The following AFF1 variants were observed in gnomAD, a reference collection of about 807,000 sequenced individuals.
The protein encoded by AFF1 is ALF transcription elongation factor 1.
Under a neutral mutation model 121.7 loss-of-function variants are expected in AFF1, and 48 were observed. The ratio of observed to expected loss-of-function variants is 0.39; its 90% confidence interval spans 0.31 to 0.50. The LOEUF is 0.50. Ranked by LOEUF, AFF1 falls within the 20% of genes least tolerant of loss-of-function variation. The pLI is 0.76. For synonymous variants in AFF1, 613 were observed against 563.0 expected (o/e 1.09, Z -1.26); for missense variants, 1,523 against 1,511.7 (o/e 1.01, Z -0.12).
At chr4:87,090,197 A>AT in intron 6 of AFF1, 127 bp downstream of exon 6, 1 of 709,926 alleles carries the variant, frequency 1.4e-6, no homozygotes, top group Non-Finnish European at 2.3e-6. Flanking sequence ...ATTATGATTA[A>AT]TTTAGCTTCT....
Position 87,006,227 on chromosome 4 carries a change from TA to T in AFF1, c.39-39937del, listed in dbSNP as rs538253348. Among the ~76,000 whole-genome samples the T allele has an allele frequency of 2.6e-3, 392 of 152,348 alleles. 5 individuals are homozygous for T. Among genetic ancestry groups the T allele is most frequent in the African/African-American group, 8.2e-3 (342 of 41,582 alleles). On this transcript the variant is annotated intron_variant, in intron 2 of 20. Transcript: ENST00000395146. Reference sequence around the variant, plus strand: ...TGCAGGCAGTTATTCAGTATTCATCTAAGAGTCTTCAGCTCCTCCGGTGTGC... The same window carrying T: ...TGCAGGCAGTTATTCAGTATTCATCTAGAGTCTTCAGCTCCTCCGGTGTGC...
At chr4:87,050,947 C>T (rs772710465) in intron 4 of AFF1, among the ~76,000 whole-genome samples, 3 of 152,078 alleles carry the variant, frequency 2.0e-5, no homozygotes, top group African/African-American at 7.2e-5. Flanking sequence ...ACATGGACCC[C>T]GAGGCTGGGG....
chr4:86,956,918 G>A (rs907800112), intron 2 of AFF1, among the ~76,000 whole-genome samples: 2 of 152,272 alleles, frequency 1.3e-5, no homozygotes, highest in African/African-American at 4.8e-5. Context: ...GGAATTGCTT[G>A]CCTCTAAGGT....
At chr4:87,127,926 AG>A (rs1407523380) in intron 16 of AFF1, among the ~76,000 whole-genome samples, 3 of 152,120 alleles carry the variant, frequency 2.0e-5, no homozygotes, top group African/African-American at 7.2e-5. Flanking sequence ...GGTGGTTCTT[AG>A]TGGTGGTATT....
intron 4 of AFF1, among the ~76,000 whole-genome samples, chr4:87,079,219 A>G (rs1271916404): frequency 6.6e-6 from 1 of 152,206 alleles, no homozygotes; most frequent in Non-Finnish European, 1.5e-5. Flanking sequence ...TTGAAACTTG[A>G]GAGACTTAAA....
intron 1 of AFF1, among the ~76,000 whole-genome samples, chr4:86,942,527 T>C (rs1394585164): frequency 6.6e-6 from 1 of 152,242 alleles, no homozygotes; most frequent in African/African-American, 2.4e-5. Flanking sequence ...TTGTTGTCAC[T>C]AAAAGAACTT....
chr4:87,024,654 G>A (rs1162548206), intron 2 of AFF1, among the ~76,000 whole-genome samples: 5 of 152,024 alleles, frequency 3.3e-5, no homozygotes, highest in Admixed American at 6.6e-5. Flanking sequence ...GTACAGTGGC[G>A]CTATCTGTTC....
chr4:87,093,445 C>T (rs1724519913), intron 7 of AFF1, among the ~76,000 whole-genome samples: 1 of 152,162 alleles, frequency 6.6e-6, no homozygotes, highest in South Asian at 2.1e-4. Flanking sequence ...CCCAGCAAGT[C>T]AACTCTGATT....
At chr4:87,057,968 C>T (rs1439313392) in intron 4 of AFF1, among the ~76,000 whole-genome samples, 1 of 151,562 alleles carries the variant, frequency 6.6e-6, no homozygotes, top group Admixed American at 6.6e-5. Flanking sequence ...CAGCAGCATT[C>T]CCGTGGCTTG....
intron 4 of AFF1, among the ~76,000 whole-genome samples, chr4:87,072,764 C>T (rs545053070): frequency 6.3e-4 from 96 of 152,286 alleles, no homozygotes; most frequent in African/African-American, 2.2e-3. Context: ...CTACTGACCT[C>T]AAGTGATCTG....
At position 87,135,570 on chromosome 4, in the gene AFF1, T is replaced by G; in HGVS notation, c.3536-10T>G. The G allele has an allele frequency of 6.5e-7, 1 of 1,543,736 alleles. No homozygotes were observed. Among genetic ancestry groups the G allele is most frequent in the African/African-American group, 1.4e-5 (1 of 72,388 alleles). On this transcript the variant is annotated splice_polypyrimidine_tract_variant and intron_variant, in intron 20 of 20. Coordinates refer to ENST00000395146, the MANE Select transcript of AFF1 (RefSeq NM_001166693.3). ...TTACTTGTTTTTGTTTTGTTTTGTTTTTTTTGCAGAATTCTTTGCTCGGCT... is the reference window on the plus strand; with the variant it reads ...TTACTTGTTTTTGTTTTGTTTTGTTGTTTTTGCAGAATTCTTTGCTCGGCT...
chr4:87,090,551 G>A (rs1724193306), intron 6 of AFF1, among the ~76,000 whole-genome samples: 1 of 152,112 alleles, frequency 6.6e-6, no homozygotes, highest in South Asian at 2.1e-4. Flanking sequence ...TTAAAACACT[G>A]CCATTCTCCT....
chr4:87,130,392 T>C (rs1170600788), intron 16 of AFF1, among the ~76,000 whole-genome samples: 1 of 152,228 alleles, frequency 6.6e-6, no homozygotes, highest in Non-Finnish European at 1.5e-5. Flanking sequence ...AGAAAGACAG[T>C]TGCATCACAC....
chr4:86,995,048 C>T (rs11935276), intron 2 of AFF1, among the ~76,000 whole-genome samples: 4 of 152,060 alleles, frequency 2.6e-5, no homozygotes, highest in Non-Finnish European at 4.4e-5. Flanking sequence ...TGAGATCAGC[C>T]TAGGCAACAT....
At chr4:87,073,640 A>G (rs1463772630) in intron 4 of AFF1, among the ~76,000 whole-genome samples, 4 of 152,216 alleles carry the variant, frequency 2.6e-5, no homozygotes, top group Non-Finnish European at 5.9e-5. Flanking sequence ...AGCGTGGATT[A>G]AATAGTTTAT....
intron 4 of AFF1, among the ~76,000 whole-genome samples, chr4:87,049,429 T>C (rs1361095005): frequency 6.6e-6 from 1 of 152,202 alleles, no homozygotes; most frequent in Non-Finnish European, 1.5e-5. Flanking sequence ...TTTTCTTGGG[T>C]GGAAATAAGT....
rs199871875 is a variant in AFF1 at position 87,115,156 on chromosome 4, G to C, written c.2323G>C (p.Asp775His). 85 of 1,614,058 alleles carry C rather than the reference G, an allele frequency of 5.3e-5. 1 individual carries two copies. Among genetic ancestry groups the C allele is most frequent in the Non-Finnish European group, 7.2e-5 (85 of 1,180,042 alleles). The part of the protein sequence containing the change: ...PQSLMVKITL[D>H]LLSRIPQPPG... ...AAGCTTGATGGTGAAGATCACCCTAGACCTGCTCTCTCGGATACCCCAGCC... is the reference window on the plus strand; with the variant it reads ...AAGCTTGATGGTGAAGATCACCCTACACCTGCTCTCTCGGATACCCCAGCC... Residue 775 changes from aspartate (D) to histidine (H), a missense_variant, in exon 12 of 21, where the codon GAC becomes CAC. Transcript: ENST00000395146.
At chr4:86,983,732 C>A (rs1352068992) in intron 2 of AFF1, among the ~76,000 whole-genome samples, 5 of 129,842 alleles carry the variant, frequency 3.9e-5, no homozygotes, top group Non-Finnish European at 6.5e-5. Flanking sequence ...AAAAAAAAAA[C>A]AAAAAACAAA....
intron 2 of AFF1, among the ~76,000 whole-genome samples, chr4:87,009,063 G>C (rs1207340773): frequency 6.6e-6 from 1 of 152,212 alleles, no homozygotes; most frequent in Non-Finnish European, 1.5e-5. Flanking sequence ...AGGTGTGAGA[G>C]ATTCAATGCC....
Sources: gnomAD v4.1 joint callset for allele counts (sites outside exome capture counted in the v4.1 genomes callset) on GRCh38, gnomAD v4.1.1 for gene constraint, MANE v1.5 for transcripts, NCBI Gene and HGNC (gene_info 2026-07-23, HGNC 2026-07-21) for gene names.